Variants in REEP1 observed in about 807,000 individuals in gnomAD.
The protein encoded by REEP1 is receptor accessory protein 1, also known as receptor expression-enhancing protein 1.
In REEP1, 22 loss-of-function variants were observed where a neutral mutation model predicts 40.3. The ratio of observed to expected loss-of-function variants is 0.55; its 90% confidence interval spans 0.39 to 0.78. The LOEUF (loss-of-function observed/expected upper bound fraction) is 0.78. Among genes scored for constraint, REEP1 ranks in the 30% least tolerant of loss-of-function variants. The pLI is 0.00. For missense variants in REEP1, 280 were observed against 361.1 expected (o/e 0.78, Z 1.82); for synonymous variants, 116 against 139.2 (o/e 0.83, Z 1.17).
At position 86,216,914 on chromosome 2, in the gene REEP1, G is replaced by T; in HGVS notation, c.*125C>A. 1 of 741,474 alleles carries T rather than the reference G, an allele frequency of 1.3e-6. No homozygotes were observed. The highest frequency in any genetic ancestry group is 2.3e-6 in the Non-Finnish European group (1 of 428,868). 45.9% of individuals were successfully genotyped at this position (741,474 alleles called of 1,614,324 possible). Reference sequence around the variant, plus strand: ...TAAAAGTGGAAGGGGAGAGAGAAAAGGCCATGTTTGTGAGGCTGCACACTC... The same window carrying T: ...TAAAAGTGGAAGGGGAGAGAGAAAATGCCATGTTTGTGAGGCTGCACACTC... On this transcript the variant is annotated 3_prime_UTR_variant, in exon 9 of 9. Coordinates refer to ENST00000538924, the MANE Select transcript of REEP1 (RefSeq NM_001371279.1).
intron 1 of REEP1, among the ~76,000 whole-genome samples, chr2:86,327,799 T>C (rs1052500207): frequency 6.6e-6 from 1 of 152,052 alleles, no homozygotes; most frequent in African/African-American, 2.4e-5. Context: ...GATCTCCTGA[T>C]CTCATGATCT....
rs1293776179 is a variant in REEP1 at position 86,216,175 on chromosome 2, A to C, written c.*864T>G. 1 of 152,162 alleles carries C rather than the reference A, an allele frequency of 6.6e-6. No homozygotes were observed. The highest frequency in any genetic ancestry group is 2.1e-4 in the South Asian group (1 of 4,828). The allele number at this position is 152,162 out of a possible 1,614,324, so 9.4% of individuals were successfully genotyped here. On this transcript the variant is annotated 3_prime_UTR_variant, in exon 9 of 9. Coordinates refer to ENST00000538924, the MANE Select transcript of REEP1 (RefSeq NM_001371279.1). ...GAATTACTCCTTCCAGCAGCTCTAC[A>C]TGTTCCCATCCTCAAGAAATTGCAC...
At chr2:86,258,341 TATTA>T (rs1255993108) in intron 3 of REEP1, among the ~76,000 whole-genome samples, 1 of 152,234 alleles carries the variant, frequency 6.6e-6, no homozygotes, top group Non-Finnish European at 1.5e-5. Context: ...CACAATGATT[TATTA>T]ATTGTCTATG....
chr2:86,286,998 G>T (rs761377680), intron 1 of REEP1, among the ~76,000 whole-genome samples: 23 of 152,204 alleles, frequency 1.5e-4, no homozygotes, highest in Non-Finnish European at 2.6e-4. Context: ...TGAAGAAATT[G>T]TATGTCACAC....
At chr2:86,289,396 C>T (rs546358429) in intron 1 of REEP1, among the ~76,000 whole-genome samples, 104 of 152,300 alleles carry the variant, frequency 6.8e-4, no homozygotes, top group African/African-American at 2.5e-3. Flanking sequence ...ACCTATACCA[C>T]GGTGTCTTTA....
chr2:86,330,275 A>G (rs961727699), intron 1 of REEP1, among the ~76,000 whole-genome samples: 5 of 152,188 alleles, frequency 3.3e-5, no homozygotes, highest in Non-Finnish European at 7.3e-5. Context: ...GCTGGTCATT[A>G]GGGCTGTTCT....
chr2:86,275,363 T>C (rs1185118882), intron 2 of REEP1, among the ~76,000 whole-genome samples: 1 of 152,226 alleles, frequency 6.6e-6, no homozygotes, highest in Non-Finnish European at 1.5e-5. Context: ...TTCTATATTC[T>C]TGATGCTCTG....
intron 1 of REEP1, among the ~76,000 whole-genome samples, chr2:86,317,758 C>A (rs1680083763): frequency 6.6e-6 from 1 of 152,174 alleles, no homozygotes; most frequent in Non-Finnish European, 1.5e-5. Flanking sequence ...ATGTTCTTAT[C>A]ATTCTGTGAT....
chr2:86,324,904 G>T (rs956995925), intron 1 of REEP1, among the ~76,000 whole-genome samples: 1 of 152,168 alleles, frequency 6.6e-6, no homozygotes, highest in Admixed American at 6.5e-5. Flanking sequence ...TGCTTGATAA[G>T]TACATTATGG....
rs70956105 is a variant in REEP1, at chr2:86,226,075, TCACCACCACCACCAC to T, written c.631+1273_631+1287del. Among the ~76,000 whole-genome samples, 41 of 111,884 alleles carry T rather than the reference TCACCACCACCACCAC, an allele frequency of 3.7e-4. 1 individual carries two copies. Among genetic ancestry groups the T allele is most frequent in the Admixed American group, 2.3e-3 (23 of 10,020 alleles). The allele number at this position is 111,884 out of a possible 152,430, so 73.4% of individuals were successfully genotyped here. On this transcript the variant is annotated intron_variant, in intron 7 of 8. Transcript: ENST00000538924. The stretch of plus-strand genomic sequence containing the variant: ...GGGGTCTCCTGGATGCTCCAGGCTA[TCACCACCACCACCAC>T]CACCACCACCACCACCACCACCACC...
At chr2:86,246,446 T>C (rs1333043746) in intron 5 of REEP1, among the ~76,000 whole-genome samples, 1 of 152,200 alleles carries the variant, frequency 6.6e-6, no homozygotes, top group Non-Finnish European at 1.5e-5. Flanking sequence ...ACTATAGTAA[T>C]AGTATTGGTA....
intron 1 of REEP1, among the ~76,000 whole-genome samples, chr2:86,305,169 C>T (rs144254056): frequency 0.013 from 1,965 of 152,252 alleles, 46 homozygotes; most frequent in African/African-American, 0.044. Context: ...GTGGGTTCTG[C>T]GCCCTCATGA....
intron 2 of REEP1, among the ~76,000 whole-genome samples, chr2:86,271,970 G>A (rs114413174): frequency 0.039 from 5,936 of 152,168 alleles, 359 homozygotes; most frequent in African/African-American, 0.13. Flanking sequence ...CGCCTGTAAC[G>A]CCAGCACTTT....
At position 86,216,200 on chromosome 2, in the gene REEP1, C is replaced by T. The variant is rs1449982747; in HGVS notation, c.*839G>A. 6.6e-6 allele frequency: 1 copy of T among 152,184 alleles called. No homozygotes were observed. Among genetic ancestry groups the T allele is most frequent in the Non-Finnish European group, 1.5e-5 (1 of 68,042 alleles). 9.4% of individuals were successfully genotyped at this position (152,184 alleles called of 1,614,324 possible). A position where few individuals can be genotyped will look rare whatever the true frequency, so the allele number is the denominator to read the frequency against. On this transcript the variant is annotated 3_prime_UTR_variant, in exon 9 of 9. Transcript: ENST00000538924. Reference sequence around the variant, plus strand: ...ATGTTCCCATCCTCAAGAAATTGCACCAAGAGTGAGCTACCTGCCTATCCC... The same window carrying T: ...ATGTTCCCATCCTCAAGAAATTGCATCAAGAGTGAGCTACCTGCCTATCCC...
At chr2:86,232,497 A>G (rs1675074273) in intron 6 of REEP1, 128 bp downstream of exon 6, 1 of 1,150,872 alleles carries the variant, frequency 8.7e-7, no homozygotes, top group African/African-American at 1.5e-5. Context: ...GCATGATCTG[A>G]TGGACACCCC....
chr2:86,312,485 A>G (rs1054835769), intron 1 of REEP1, among the ~76,000 whole-genome samples: 4 of 152,190 alleles, frequency 2.6e-5, no homozygotes, highest in Non-Finnish European at 5.9e-5. Flanking sequence ...AGGCAAAGAC[A>G]ACACAAGAGC....
In REEP1 at chr2:86,239,387, G is replaced by A. The variant is rs189623319; in HGVS notation, c.418-6585C>T. 5.9e-5 allele frequency among the ~76,000 whole-genome samples: 9 copies of A among 152,236 alleles called. No individual in the cohort carries two copies. In the East Asian group the frequency reaches 7.7e-4, roughly 13 times the overall value. On this transcript the variant is annotated intron_variant, in intron 5 of 8. Transcript: ENST00000538924. ...ACAGGGGAAGGCTCCAGCAAAGCAC[G>A]AAGTTTAGCCCATCTCACTTGACAC...
intron 1 of REEP1, chr2:86,297,808 A>C: frequency 6.8e-4 from 486 of 718,184 alleles, no homozygotes; most frequent in Non-Finnish European, 7.7e-4. Flanking sequence ...GGGGGATCTC[A>C]GAGGATGCCT....
chr2:86,233,880 A>G (rs1462482963), intron 5 of REEP1, among the ~76,000 whole-genome samples: 3 of 152,108 alleles, frequency 2.0e-5, no homozygotes, highest in Admixed American at 1.3e-4. Flanking sequence ...TGAAGGAAAG[A>G]GTGGTCCCAG....
Sources: allele counts gnomAD v4.1 joint callset (sites outside exome capture counted in the v4.1 genomes callset), GRCh38; gene constraint gnomAD v4.1.1; transcripts MANE v1.5; gene names NCBI Gene and HGNC (gene_info 2026-07-23, HGNC 2026-07-21).